Variants in DST observed in about 807,000 individuals in gnomAD.
DST encodes the protein bullous pemphigoid antigen.
A neutral mutation model predicts 875.2 loss-of-function variants in DST; 253 were observed. That is an observed-to-expected ratio of 0.29 (90% CI 0.26 to 0.32). The LOEUF is 0.32. Among genes scored for constraint, DST ranks in the 10% least tolerant of loss-of-function variants. The pLI, the probability that DST is intolerant of heterozygous loss-of-function variation, is 1.00. For missense variants in DST, 8,287 were observed against 9,111.6 expected (o/e 0.91, Z 3.68); for synonymous variants, 3,124 against 3,197.1 (o/e 0.98, Z 0.77).
At chr6:56,618,413 T>C (rs1316035903) in intron 36 of DST, 2 of 1,614,230 alleles carry the variant, frequency 1.2e-6, no homozygotes, top group East Asian at 4.5e-5. Context: ...GGTACAGTCT[T>C]TGGCTGTGCT....
At chr6:56,817,601 C>T (rs759210437) in intron 4 of DST, among the ~76,000 whole-genome samples, 1 of 152,070 alleles carries the variant, frequency 6.6e-6, no homozygotes, top group Non-Finnish European at 1.5e-5. Flanking sequence ...CAAAACAGTA[C>T]ATAATTAGCC....
At chr6:56,672,254 T>C (rs982249053) in intron 9 of DST, among the ~76,000 whole-genome samples, 1 of 152,026 alleles carries the variant, frequency 6.6e-6, no homozygotes, top group Non-Finnish European at 1.5e-5. Flanking sequence ...TTGTTGGAAA[T>C]GATGGGGGGC....
At position 56,591,981 on chromosome 6, in the gene DST, CA is replaced by C. The variant is rs34682914; in HGVS notation, c.12903+200del. Among the ~76,000 whole-genome samples the C allele has an allele frequency of 0.053, 3,411 of 63,794 alleles. 27 individuals carry two copies. The highest frequency in any genetic ancestry group is 0.07 in the Non-Finnish European group (2,518 of 35,788). The allele number at this position is 63,794 out of a possible 152,430, so 41.9% of individuals were successfully genotyped here. A position where few individuals can be genotyped will look rare whatever the true frequency, so the allele number is the denominator to read the frequency against. ...TACACGATGGAGTGAGACTCCATCT[CA>C]AAAAAAAAAAAAAAAAAAAAATTCG... is the stretch of plus-strand genomic sequence containing the variant. On this transcript the variant is annotated intron_variant, in intron 49 of 103. Transcript: ENST00000680361.
At position 56,509,386 on chromosome 6, in the gene DST, T is replaced by C. The variant is rs117993233; in HGVS notation, c.19012+256A>G. Among the ~76,000 whole-genome samples, 86 of 152,310 alleles carry C rather than the reference T, an allele frequency of 5.6e-4. 2 individuals are homozygous for C. The East Asian group carries it at 0.015, about 27-fold the overall frequency. On this transcript the variant is annotated intron_variant, in intron 74 of 103. Coordinates refer to ENST00000680361, the MANE Select transcript of DST (RefSeq NM_001374736.1). ...AACCTACTGATTTAAAAGGCCTGAA[T>C]ACACATGGTCTTTGAACATATGGTC...
intron 5 of DST, among the ~76,000 whole-genome samples, chr6:56,707,158 G>C (rs1373013280): frequency 2.0e-5 from 3 of 152,218 alleles, no homozygotes; most frequent in African/African-American, 2.4e-5. Context: ...CCATGGACCG[G>C]ACCAGTACCT....
chr6:56,601,738 C>A, intron 43 of DST, 62 bp from the exon 44 acceptor site: 2 of 964,694 alleles, frequency 2.1e-6, no homozygotes, highest in Non-Finnish European at 3.0e-6. Flanking sequence ...TTTATATTAA[C>A]AATAATATTT....
chr6:56,729,925 T>G (rs998519228), intron 5 of DST, among the ~76,000 whole-genome samples: 1 of 152,154 alleles, frequency 6.6e-6, no homozygotes, highest in African/African-American at 2.4e-5. Context: ...TGATAGTCAG[T>G]TGGGTGTCTC....
intron 2 of DST, among the ~76,000 whole-genome samples, chr6:56,939,554 A>G (rs957473763): frequency 6.6e-6 from 1 of 152,222 alleles, no homozygotes; most frequent in Admixed American, 6.5e-5. Flanking sequence ...AATCGATAAG[A>G]AAAATTACTT....
rs939086463 is a variant in DST, at chr6:56,719,776, G to A, written c.688-15407C>T. Among the ~76,000 whole-genome samples the A allele has an allele frequency of 5.9e-5, 9 of 152,298 alleles. No homozygotes were observed. In the South Asian group the frequency reaches 8.3e-4, roughly 14 times the overall value. Reference sequence around the variant, plus strand: ...GCGTCTGGGGGAGACATCACATGTCGGTAGGTTCCATGATGCCCCACAAGC... The same window carrying A: ...GCGTCTGGGGGAGACATCACATGTCAGTAGGTTCCATGATGCCCCACAAGC... On this transcript the variant is annotated intron_variant, in intron 5 of 103. Coordinates refer to ENST00000680361, the MANE Select transcript of DST (RefSeq NM_001374736.1).
intron 5 of DST, among the ~76,000 whole-genome samples, chr6:56,733,308 ATAAAC>A (rs2099509668): frequency 6.6e-6 from 1 of 152,190 alleles, no homozygotes; most frequent in Non-Finnish European, 1.5e-5. Flanking sequence ...TCTAAAATGA[ATAAAC>A]TAAAAGGAAA....
intron 4 of DST, among the ~76,000 whole-genome samples, chr6:56,791,580 G>A (rs1206327470): frequency 6.6e-6 from 1 of 152,094 alleles, no homozygotes; most frequent in African/African-American, 2.4e-5. Flanking sequence ...GAGCCCAGAA[G>A]TTCGAGACCA....
intron 4 of DST, among the ~76,000 whole-genome samples, chr6:56,763,747 G>T (rs13208409): frequency 0.13 from 18,937 of 149,338 alleles, 1,664 homozygotes; most frequent in Middle Eastern, 0.21. Flanking sequence ...GTGGGGGTGG[G>T]GGGGAGAAAA....
At chr6:56,829,493 G>A (rs1390122581) in intron 4 of DST, among the ~76,000 whole-genome samples, 1 of 152,120 alleles carries the variant, frequency 6.6e-6, no homozygotes, top group Non-Finnish European at 1.5e-5. Flanking sequence ...TGCAATAAAT[G>A]ATTGCAAACT....
At chr6:56,521,584 A>T (rs1181978086) in intron 69 of DST, among the ~76,000 whole-genome samples, 1 of 140,274 alleles carries the variant, frequency 7.1e-6, no homozygotes, top group Middle Eastern at 3.4e-3. Flanking sequence ...ATCAAGTCAA[A>T]CATTTGCTCT....
At chr6:56,667,811 TTA>T (rs34196579) in intron 10 of DST, among the ~76,000 whole-genome samples, 103 of 141,392 alleles carry the variant, frequency 7.3e-4, no homozygotes, top group South Asian at 2.1e-3. Flanking sequence ...GAAAAATGCA[TTA>T]TATATATATA....
chr6:56,746,235 C>G (rs1466251971), intron 4 of DST, among the ~76,000 whole-genome samples: 1 of 152,154 alleles, frequency 6.6e-6, no homozygotes, highest in East Asian at 1.9e-4. Flanking sequence ...ATCTTTTAGC[C>G]TTGGCTTCCC....
intron 7 of DST, among the ~76,000 whole-genome samples, chr6:56,703,290 A>G (rs2099318661): frequency 6.6e-6 from 1 of 152,210 alleles, no homozygotes; most frequent in Admixed American, 6.5e-5. Flanking sequence ...TATCACTTCC[A>G]GAAACTGAAT....
At chr6:56,642,220 G>T in intron 16 of DST, 119 bp from the exon 17 acceptor site, 2 of 952,752 alleles carry the variant, frequency 2.1e-6, no homozygotes, top group Non-Finnish European at 3.3e-6. Context: ...TTTCCTTGTT[G>T]GTTCAAAAAT....
At chr6:56,933,035 C>T (rs1592653427) in intron 2 of DST, among the ~76,000 whole-genome samples, 2 of 151,814 alleles carry the variant, frequency 1.3e-5, no homozygotes, top group Admixed American at 1.3e-4. Flanking sequence ...TTTCAGAAAC[C>T]CAGACCCCCA....
Sources: allele counts gnomAD v4.1 joint callset (sites outside exome capture counted in the v4.1 genomes callset), GRCh38; gene constraint gnomAD v4.1.1; transcripts MANE v1.5; gene names NCBI Gene and HGNC (gene_info 2026-07-23, HGNC 2026-07-21).